Variants in KLF8 observed in about 807,000 individuals in gnomAD.
KLF8 encodes the protein Krueppel-like factor 8.
In KLF8, 10 loss-of-function variants were observed where a neutral mutation model predicts 18.2. That is an observed-to-expected ratio of 0.55 (90% confidence interval 0.34 to 0.93). The LOEUF is 0.93. Among genes scored for constraint, KLF8 ranks in the 40% least tolerant of loss-of-function variants. The pLI, the probability that KLF8 is intolerant of heterozygous loss-of-function variation, is 0.02. For missense variants in KLF8, 264 were observed against 277.9 expected, an observed-to-expected ratio of 0.95 and a Z score of 0.36; for synonymous variants, 109 against 97.3, an observed-to-expected ratio of 1.12 and a Z score of -0.71.
chrX:56,013,475 G>A, the KLF8 span, among the ~76,000 whole-genome samples: 7 of 111,647 alleles, frequency 6.3e-5, no homozygotes, highest in East Asian at 2.0e-3. Context: ...GTTTTGAAAT[G>A]TGAGGACATG....
the KLF8 span, among the ~76,000 whole-genome samples, chrX:56,176,712 C>G: frequency 3.6e-5 from 4 of 111,414 alleles, no homozygotes; most frequent in Non-Finnish European, 7.5e-5. Context: ...CAACTTGGTT[C>G]CATTCTCCCT....
the KLF8 span, among the ~76,000 whole-genome samples, chrX:56,034,775 A>G: frequency 1.1e-4 from 1 of 9,007 alleles, no homozygotes; most frequent in East Asian, 4.5e-3. Context: ...TTTTTTTTTG[A>G]GATGGAGTCT....
chrX:56,175,209 T>A, the KLF8 span, among the ~76,000 whole-genome samples: 1 of 112,160 alleles, frequency 8.9e-6, no homozygotes, highest in African/African-American at 3.2e-5. Flanking sequence ...TTTTAGATCT[T>A]TCCTGCTTTC....
At chrX:56,234,508 C>A (rs1473040364) in intron 1 of KLF8, among the ~76,000 whole-genome samples, 1 of 112,332 alleles carries the variant, frequency 8.9e-6, no homozygotes, top group Non-Finnish European at 1.9e-5. Context: ...TAGTGTTTTT[C>A]TGTCCTTAAA....
chrX:56,122,026 T>G, the KLF8 span, among the ~76,000 whole-genome samples: 2 of 111,761 alleles, frequency 1.8e-5, no homozygotes, highest in South Asian at 7.5e-4. Flanking sequence ...AGGTTGTCAT[T>G]GCTTGATTAT....
chrX:55,987,697 A>G, the KLF8 span, among the ~76,000 whole-genome samples: 1 of 112,126 alleles, frequency 8.9e-6, no homozygotes, highest in African/African-American at 3.2e-5. Flanking sequence ...ATGTTTTATA[A>G]TCCTTTGGAT....
chrX:55,940,325 C>T, the KLF8 span, among the ~76,000 whole-genome samples: 1 of 111,860 alleles, frequency 8.9e-6, no homozygotes, highest in Non-Finnish European at 1.9e-5. Context: ...TAAAATTCAA[C>T]AACCCTTCAT....
At chrX:55,970,723 T>C in the KLF8 span, among the ~76,000 whole-genome samples, 1 of 111,427 alleles carries the variant, frequency 9.0e-6, no homozygotes, top group African/African-American at 3.2e-5. Flanking sequence ...TTGTAAGAGA[T>C]CAAATCAACA....
In KLF8 at chrX:56,284,647, G is replaced by A; in HGVS notation, c.*153G>A. On this transcript the variant is annotated 3_prime_UTR_variant, in exon 6 of 6. Transcript: ENST00000468660. ...AGGAGACTGGAGGAAAAGAGAGCTG[G>A]TCTCCCGTGGGGCTCTTCATATTCT... 5.0e-6 allele frequency: 2 copies of A among 396,126 alleles called. No individual in the cohort carries two copies. The highest frequency in any genetic ancestry group is 5.2e-5 in the African/African-American group (2 of 38,298). The allele number at this position is 396,126 out of a possible 1,213,427, so 32.6% of individuals were successfully genotyped here.
the KLF8 span, among the ~76,000 whole-genome samples, chrX:56,081,218 C>T: frequency 9.0e-6 from 1 of 111,321 alleles, no homozygotes. Flanking sequence ...GGAGGAGAGG[C>T]GCTCTGCTTT....
rs1364029872 is a variant in KLF8 at position 56,266,445 on chromosome X, A to G, written c.646+701A>G. On this transcript the variant is annotated intron_variant, in intron 3 of 5. Transcript: ENST00000468660. Reference sequence around the variant, plus strand: ...AATAATACTCTATCTTAATTTTTTTATGTATGCCTCCAGAGAACTTAACAC... The same window carrying G: ...AATAATACTCTATCTTAATTTTTTTGTGTATGCCTCCAGAGAACTTAACAC... The G allele has an allele frequency of 4.2e-6, 3 of 708,918 alleles. No homozygotes were observed. In the African/African-American group the frequency reaches 7.1e-5, roughly 17 times the overall value. 58.4% of individuals were successfully genotyped at this position (708,918 alleles called of 1,213,427 possible).
the KLF8 span, among the ~76,000 whole-genome samples, chrX:56,170,750 G>C: frequency 9.2e-6 from 1 of 109,144 alleles, no homozygotes; most frequent in Non-Finnish European, 1.9e-5. Flanking sequence ...TAGAGAGATA[G>C]GGGTAGAAAG....
At chrX:55,989,101 G>T in the KLF8 span, among the ~76,000 whole-genome samples, 157 of 111,618 alleles carry the variant, frequency 1.4e-3, 1 homozygote, top group East Asian at 0.04. Flanking sequence ...GGAGATTTGG[G>T]GCTGAGACAA....
the KLF8 span, among the ~76,000 whole-genome samples, chrX:56,046,316 T>C: frequency 1.2e-3 from 139 of 111,730 alleles, no homozygotes; most frequent in African/African-American, 4.2e-3. Context: ...TCTTTTTTTG[T>C]TATGCCCTTC....
At chrX:56,145,761 G>A in the KLF8 span, among the ~76,000 whole-genome samples, 5 of 111,327 alleles carry the variant, frequency 4.5e-5, no homozygotes, top group East Asian at 1.4e-3. Flanking sequence ...AAAGAACATT[G>A]TGCTAATGAG....
At chrX:56,153,172 A>C in the KLF8 span, among the ~76,000 whole-genome samples, 7 of 111,183 alleles carry the variant, frequency 6.3e-5, no homozygotes, top group Non-Finnish European at 9.4e-5. Context: ...TTTATGAAAA[A>C]TATTGCATTT....
chrX:55,985,071 G>T, the KLF8 span, among the ~76,000 whole-genome samples: 1 of 110,430 alleles, frequency 9.1e-6, no homozygotes, highest in Non-Finnish European at 1.9e-5. Flanking sequence ...CCATACTGTA[G>T]ATTGTCTGTT....
rs899630492 is a variant in KLF8, at chrX:56,286,304, C to T, written c.*1810C>T. 4.5e-5 allele frequency: 5 copies of T among 110,929 alleles called. No homozygotes were observed. The highest frequency in any genetic ancestry group is 1.6e-4 in the African/African-American group (5 of 30,426). 9.1% of individuals were successfully genotyped at this position (110,929 alleles called of 1,213,427 possible). ...AATAGCTTGGATTACAGGTGCGTGC[C>T]ACCACACCTAGCTAAGTTTTGTATT... On this transcript the variant is annotated 3_prime_UTR_variant, in exon 6 of 6. Coordinates refer to ENST00000468660, the MANE Select transcript of KLF8 (RefSeq NM_007250.5).
the KLF8 span, among the ~76,000 whole-genome samples, chrX:55,976,373 C>T: frequency 1.8e-5 from 2 of 111,102 alleles, no homozygotes; most frequent in African/African-American, 6.5e-5. Flanking sequence ...TCCCATTTCC[C>T]CCAGCTCCTG....
Sources: gnomAD v4.1 joint callset for allele counts (sites outside exome capture counted in the v4.1 genomes callset) on GRCh38, gnomAD v4.1.1 for gene constraint, MANE v1.5 for transcripts, NCBI Gene and HGNC (gene_info 2026-07-23, HGNC 2026-07-21) for gene names.